The following PTPRU variants were observed in gnomAD, a reference collection of about 807,000 sequenced individuals.
The protein encoded by PTPRU is protein tyrosine phosphatase receptor type U.
A neutral mutation model predicts 166.3 loss-of-function variants in PTPRU; 69 were observed. The ratio of observed to expected loss-of-function variants is 0.41; its 90% CI spans 0.34 to 0.51. The LOEUF is 0.51. PTPRU is among the 20% of genes least tolerant of loss of function. PTPRU has a pLI of 0.09. For missense variants in PTPRU, 1,657 were observed against 2,013.7 expected, an observed-to-expected ratio of 0.82 and a Z score of 3.39; for synonymous variants, 793 against 814.0, an observed-to-expected ratio of 0.97 and a Z score of 0.44.
intron 1 of PTPRU, among the ~76,000 whole-genome samples, chr1:29,245,243 A>G (rs1177182789): frequency 6.6e-6 from 1 of 152,184 alleles, no homozygotes; most frequent in East Asian, 1.9e-4. Context: ...GCTCGATTCT[A>G]GATGGCCTAT....
chr1:29,302,610 C>T (rs971993192), intron 15 of PTPRU, among the ~76,000 whole-genome samples: 1 of 151,962 alleles, frequency 6.6e-6, no homozygotes, highest in African/African-American at 2.4e-5. Flanking sequence ...AGTGCAGTGG[C>T]GCGATCTTGG....
At position 29,264,793 on chromosome 1, in the gene PTPRU, G is replaced by A. The variant is rs535240033; in HGVS notation, c.1144+3890G>A. Among the ~76,000 whole-genome samples the A allele has an allele frequency of 1.1e-4, 16 of 152,208 alleles. No individual in the cohort carries two copies. In the East Asian group the frequency reaches 3.1e-3, roughly 29 times the overall value. On this transcript the variant is annotated intron_variant, in intron 7 of 29. Coordinates refer to ENST00000373779, the MANE Select transcript of PTPRU (RefSeq NM_133178.4). The stretch of plus-strand genomic sequence containing the variant: ...AGTGCTAGGATTATAGGCATGCGTG[G>A]CCAACTTCGTTCTTTTGTATGTAGA...
intron 7 of PTPRU, among the ~76,000 whole-genome samples, chr1:29,267,588 A>G (rs1043888912): frequency 1.3e-5 from 2 of 152,174 alleles, no homozygotes; most frequent in Non-Finnish European, 2.9e-5. Context: ...TGGAGGCTGG[A>G]GAATGCTTGG....
intron 8 of PTPRU, among the ~76,000 whole-genome samples, chr1:29,277,976 G>T (rs147042953): frequency 1.3e-5 from 2 of 151,402 alleles, no homozygotes; most frequent in African/African-American, 4.9e-5. Flanking sequence ...CTACCACTAC[G>T]CCGGCTAATT....
At chr1:29,240,230 C>CG (rs1209969121) in intron 1 of PTPRU, among the ~76,000 whole-genome samples, 3 of 151,978 alleles carry the variant, frequency 2.0e-5, no homozygotes, top group East Asian at 1.9e-4. Flanking sequence ...CCTAGGAAGT[C>CG]GGGGGGTGGG....
rs767921472 is a variant in PTPRU at position 29,280,133 on chromosome 1, G to A, written c.1860G>A (p.Ala620=). 30 of 1,611,428 alleles carry A rather than the reference G, an allele frequency of 1.9e-5. No individual in the cohort carries two copies. Among genetic ancestry groups the A allele is most frequent in the Admixed American group, 1.5e-4 (9 of 60,002 alleles). ...VLLRPAQGRG[A]PISVYQVIVE... ...TGAGGCCGGCACAGGGCCGCGGTGCGCCCATCAGGTGGGAAAGCGGGGACG... is the reference window on the plus strand; with the variant it reads ...TGAGGCCGGCACAGGGCCGCGGTGCACCCATCAGGTGGGAAAGCGGGGACG... Residue 620 remains alanine, a synonymous_variant, in exon 11 of 30, where the codon GCG becomes GCA. Transcript: ENST00000373779. The surrounding 1 kb of genome is among the most constrained non-coding windows in gnomAD (Gnocchi z 4.2).
intron 7 of PTPRU, among the ~76,000 whole-genome samples, chr1:29,267,509 C>T (rs139882182): frequency 3.9e-5 from 6 of 152,080 alleles, no homozygotes; most frequent in African/African-American, 7.2e-5. Context: ...GGGACTGAGC[C>T]GTGCAGAGAG....
rs765275892 is a variant in PTPRU, at chr1:29,258,781, G to A, written c.477+5G>A. ...TTCTGGCCCAATGAATATCAGGTGG[G>A]CTGGGTTCAGTCAGCGGTCAGCCTG... On this transcript the variant is annotated splice_donor_5th_base_variant and intron_variant, in intron 3 of 29. Transcript: ENST00000373779. 5 of 1,563,336 alleles carry A rather than the reference G, an allele frequency of 3.2e-6. No individual in the cohort carries two copies. Among genetic ancestry groups the A allele is most frequent in the Non-Finnish European group, 4.3e-6 (5 of 1,153,734 alleles).
At chr1:29,324,826 T>G (rs112314167) in intron 28 of PTPRU, among the ~76,000 whole-genome samples, 1 of 150,670 alleles carries the variant, frequency 6.6e-6, no homozygotes, top group African/African-American at 2.4e-5. Flanking sequence ...CCCTTCTGAG[T>G]TCCCTAGTTC....
At chr1:29,251,093 A>G (rs1360694885) in intron 1 of PTPRU, among the ~76,000 whole-genome samples, 2 of 152,200 alleles carry the variant, frequency 1.3e-5, no homozygotes, top group Non-Finnish European at 2.9e-5. Context: ...TCTCTACTAA[A>G]AATACAAAAA....
intron 1 of PTPRU, among the ~76,000 whole-genome samples, chr1:29,245,963 C>T (rs1238854364): frequency 6.6e-6 from 1 of 152,272 alleles, no homozygotes; most frequent in African/African-American, 2.4e-5. Context: ...TGCAGCACTG[C>T]ACCGTGCCAA....
chr1:29,239,865 A>C (rs1280346915), intron 1 of PTPRU, among the ~76,000 whole-genome samples: 3 of 152,144 alleles, frequency 2.0e-5, no homozygotes, highest in East Asian at 3.9e-4. Context: ...ATCTTTGTAA[A>C]GTACATTTTA....
At position 29,258,736 on chromosome 1, in the gene PTPRU, C is replaced by G. The variant is rs1684885299; in HGVS notation, c.437C>G (p.Ala146Gly). The part of the protein sequence containing the change: ...TGSHGRQWHQ[A>G]ELAVSTFWPN... ...TCCCACGGCCGTCAGTGGCACCAGG[C>G]TGAGCTGGCTGTCAGCACTTTCTGG... The change falls in exon 3 of 30, where the codon GCT (alanine) becomes GGT (glycine). Residue 146 changes from alanine to glycine, a missense_variant. Around this residue, in one of 3 missense-constraint regions of PTPRU, gnomAD observed 453 missense variants for 496.9 expected, o/e 0.91. Transcript: ENST00000373779. 1 of 1,600,770 alleles carries G rather than the reference C, an allele frequency of 6.2e-7. No homozygotes were observed. The highest frequency in any genetic ancestry group is 1.7e-5 in the Admixed American group (1 of 58,460).
Position 29,279,318 on chromosome 1 carries a change from G to A in PTPRU, c.1564-138G>A, listed in dbSNP as rs1685954589. 1 of 1,083,940 alleles carries A rather than the reference G, an allele frequency of 9.2e-7. No individual in the cohort carries two copies. The highest frequency in any genetic ancestry group is 2.1e-5 in the Admixed American group (1 of 48,094). 67.1% of individuals were successfully genotyped at this position (1,083,940 alleles called of 1,614,324 possible). A position where few individuals can be genotyped will look rare whatever the true frequency, so the allele number is the denominator to read the frequency against. On this transcript the variant is annotated intron_variant, in intron 9 of 29. Coordinates refer to ENST00000373779, the MANE Select transcript of PTPRU (RefSeq NM_133178.4). This position sits in a 1 kb window ranked among gnomAD's most constrained non-coding sequence, Gnocchi z 5.2. ...CAGGAGGGAGAGCCGAAGATGACTA[G>A]AAGCCTGGCTTGATGGCATCCATAG...
In PTPRU at chr1:29,303,896, C is replaced by G. The variant is rs762018068; in HGVS notation, c.2518C>G (p.Leu840Val). 1 of 1,613,460 alleles carries G rather than the reference C, an allele frequency of 6.2e-7. No individual in the cohort carries two copies. Among genetic ancestry groups the G allele is most frequent in the African/African-American group, 1.3e-5 (1 of 74,938 alleles). Residue 840 changes from leucine to valine, a missense_variant, in exon 16 of 30, where the codon CTG (leucine) becomes GTG (valine). By Grantham distance (32) the Leu-to-Val change is conservative. This residue lies in a region of PTPRU where 1,190 missense variants were observed against 1,477.4 expected (regional missense o/e 0.81). Coordinates refer to ENST00000373779, the MANE Select transcript of PTPRU (RefSeq NM_133178.4). ...SGGVTEASSL[L>V]GGSPRRPCGR... ...TGGGGTCACTGAGGCCAGCAGCCTC[C>G]TGGGGGGCTCCCCGAGGCGTCCCTG...
At chr1:29,245,426 C>T (rs1479158040) in intron 1 of PTPRU, among the ~76,000 whole-genome samples, 1 of 152,134 alleles carries the variant, frequency 6.6e-6, no homozygotes, top group Non-Finnish European at 1.5e-5. Flanking sequence ...GCTCCCCTCT[C>T]CTCCAGTGCA....
chr1:29,286,314 G>T (rs1414546412), intron 14 of PTPRU, among the ~76,000 whole-genome samples: 1 of 152,196 alleles, frequency 6.6e-6, no homozygotes, highest in Non-Finnish European at 1.5e-5. Flanking sequence ...CATCATCCAT[G>T]AGTACATTAG....
intron 5 of PTPRU, 36 bp downstream of exon 5, chr1:29,259,600 T>TGTTTGTGGGGGGGGGGGGGGGG: frequency 3.9e-6 from 1 of 253,688 alleles, no homozygotes. Context: ...GGGGGCGGGG[T>TGTTTGTGGGGGGGGGGGGGGGG]GGGAGGGGGT....
At chr1:29,282,542 A>G in intron 11 of PTPRU, 134 bp from the exon 12 acceptor site, 1 of 1,252,300 alleles carries the variant, frequency 8.0e-7, no homozygotes, top group Non-Finnish European at 1.1e-6. Flanking sequence ...GGACTTGCCC[A>G]GCTAGTAAGG....
Sources: allele counts gnomAD v4.1 joint callset (sites outside exome capture counted in the v4.1 genomes callset), GRCh38; gene constraint gnomAD v4.1.1; regional missense constraint gnomAD v4.1.1; non-coding constraint Gnocchi (gnomAD v3.1); transcripts MANE v1.5; gene names NCBI Gene and HGNC (gene_info 2026-07-23, HGNC 2026-07-21).